The following SPATA7 variants were observed in gnomAD, a reference collection of about 807,000 sequenced individuals.
SPATA7 encodes spermatogenesis-associated protein 7.
A neutral mutation model predicts 51.8 loss-of-function variants in SPATA7; 43 were observed. That is an observed-to-expected ratio of 0.83 (90% CI 0.65 to 1.07). The LOEUF is 1.07. Among genes scored for constraint, SPATA7 ranks in the 50% least tolerant of loss-of-function variants. The pLI is 0.00. For missense variants in SPATA7, 683 were observed against 701.3 expected, an observed-to-expected ratio of 0.97 and a Z score of 0.30; for synonymous variants, 230 against 252.8, an observed-to-expected ratio of 0.91 and a Z score of 0.86.
intron 4 of SPATA7, chr14:88,415,817 A>C (rs998366578): frequency 1.3e-5 from 2 of 152,200 alleles, no homozygotes; most frequent in African/African-American, 2.4e-5. Context: ...GTCCCCACCC[A>C]AATGTCACAT....
chr14:88,422,706 C>T (rs2076679801), intron 5 of SPATA7, among the ~76,000 whole-genome samples: 1 of 150,994 alleles, frequency 6.6e-6, no homozygotes, highest in Non-Finnish European at 1.5e-5. Context: ...CTTTTTGCCT[C>T]CATAAAGTTG....
downstream of SPATA7, among the ~76,000 whole-genome samples, chr14:88,457,384 GTCT>G (rs932922175): frequency 2.6e-4 from 39 of 152,082 alleles, no homozygotes; most frequent in African/African-American, 9.4e-4. Context: ...ATTTGTTTGT[GTCT>G]TCTTTTATTT....
chr14:88,400,789 C>CA (rs2076035517), intron 4 of SPATA7, among the ~76,000 whole-genome samples: 1 of 152,098 alleles, frequency 6.6e-6, no homozygotes, highest in Non-Finnish European at 1.5e-5. Flanking sequence ...GAGCTGAGAT[C>CA]ATGCCCCTGC....
Position 88,469,590 on chromosome 14 carries a change from G to A in SPATA7, c.255-257G>A. On this transcript the variant is annotated intron_variant, in intron 4 of 4. Transcript: ENST00000556406. This position sits in a 1 kb window ranked among gnomAD's most constrained non-coding sequence, Gnocchi z 4.3. ...CGGTCCTCTCTTGCCCAGTAAGGAGGTGCTTCATCTTCAGGCCTGTGGTGG... is the reference window on the plus strand; with the variant it reads ...CGGTCCTCTCTTGCCCAGTAAGGAGATGCTTCATCTTCAGGCCTGTGGTGG... 1 of 1,614,170 alleles carries A rather than the reference G, an allele frequency of 6.2e-7. No homozygotes were observed. Among genetic ancestry groups the A allele is most frequent in the Non-Finnish European group, 8.5e-7 (1 of 1,180,046 alleles).
At chr14:88,387,449 T>C (rs2075612441) in intron 1 of SPATA7, among the ~76,000 whole-genome samples, 1 of 151,312 alleles carries the variant, frequency 6.6e-6, no homozygotes, top group African/African-American at 2.5e-5. Context: ...AGCTTTCATG[T>C]ACTGTAAATT....
At chr14:88,439,037 G>C (rs1401605706), downstream of SPATA7, among the ~76,000 whole-genome samples, 1 of 152,148 alleles carries the variant, frequency 6.6e-6, no homozygotes, top group Non-Finnish European at 1.5e-5. Flanking sequence ...GGTCATCTGA[G>C]GACCTGCTGG....
intron 3 of SPATA7, among the ~76,000 whole-genome samples, chr14:88,395,855 G>A (rs1427014227): frequency 2.6e-5 from 4 of 152,026 alleles, no homozygotes; most frequent in Admixed American, 6.5e-5. Context: ...GGTAGTGTAA[G>A]TCTTCCATTT....
chr14:88,468,837 A>C, intron 4 of SPATA7: 5 of 1,565,488 alleles, frequency 3.2e-6, no homozygotes, highest in Non-Finnish European at 4.4e-6. Context: ...GCGCAAAAAG[A>C]GCTATTAAGT....
chr14:88,437,905 T>G lies in SPATA7; in HGVS notation c.1283T>G (p.Val428Gly), dbSNP rs1203146338. 6.2e-7 allele frequency: 1 copy of G among 1,611,500 alleles called. No individual in the cohort carries two copies. The highest frequency in any genetic ancestry group is 8.5e-7 in the Non-Finnish European group (1 of 1,178,584). Residue 428 changes from valine (V) to glycine (G), a missense_variant, in exon 12 of 12, where the codon GTA (valine) becomes GGA (glycine). Val to Gly is a moderately radical substitution (Grantham distance 109, BLOSUM62 -3). Coordinates refer to ENST00000393545, the MANE Select transcript of SPATA7 (RefSeq NM_018418.5). Reference protein sequence around the residue: ...DLGCTSEENSVKQNDVDMLNV... With the variant: ...DLGCTSEENSGKQNDVDMLNV... ...GGCTGCACATCGGAGGAAAACTCGG[T>G]AAAGCAAAATGATGTTGATATGTTG...
intron 2 of SPATA7, 145 bp downstream of exon 2, chr14:88,391,600 G>A (rs759243270): frequency 8.0e-5 from 60 of 746,570 alleles, no homozygotes; most frequent in South Asian, 7.6e-4. Context: ...AAATATAGGC[G>A]TTCTTGAGAT....
At chr14:88,456,594 G>T (rs1226319791), downstream of SPATA7, among the ~76,000 whole-genome samples, 1 of 152,000 alleles carries the variant, frequency 6.6e-6, no homozygotes, top group African/African-American at 2.4e-5. Context: ...TTGTAAATTT[G>T]TTAGAGTTCT....
At chr14:88,435,481 C>T (rs747900316) in intron 10 of SPATA7, among the ~76,000 whole-genome samples, 11 of 152,102 alleles carry the variant, frequency 7.2e-5, no homozygotes, top group African/African-American at 1.2e-4. Context: ...AATTAAGTTA[C>T]TATTGACTGT....
At chr14:88,461,666 CG>C (rs1566798699) in intron 4 of SPATA7, among the ~76,000 whole-genome samples, 5 of 151,996 alleles carry the variant, frequency 3.3e-5, no homozygotes, top group Non-Finnish European at 7.4e-5. Context: ...CCGGCTGAGG[CG>C]ATGCCTCACC....
intron 3 of SPATA7, among the ~76,000 whole-genome samples, chr14:88,443,613 C>T (rs1435646207): frequency 6.6e-6 from 1 of 151,938 alleles, no homozygotes; most frequent in Non-Finnish European, 1.5e-5. Context: ...GGTATATCTC[C>T]CAATGCCATC....
chr14:88,427,404 A>G (rs963808393), intron 6 of SPATA7, among the ~76,000 whole-genome samples: 1 of 152,132 alleles, frequency 6.6e-6, no homozygotes, highest in African/African-American at 2.4e-5. Context: ...GAAAGTAAAA[A>G]CAATTTAAGA....
chr14:88,395,048 A>G (rs1367991915), intron 3 of SPATA7, among the ~76,000 whole-genome samples: 1 of 151,938 alleles, frequency 6.6e-6, no homozygotes, highest in Non-Finnish European at 1.5e-5. Context: ...TTTTTTCCCA[A>G]TCTGTAGCTG....
intron 10 of SPATA7, among the ~76,000 whole-genome samples, chr14:88,436,843 T>C (rs2077103164): frequency 6.6e-6 from 1 of 152,222 alleles, no homozygotes; most frequent in African/African-American, 2.4e-5. Flanking sequence ...TACTGTAATT[T>C]GAAGTCAGGT....
chr14:88,420,796 A>G (rs1040637183), intron 5 of SPATA7, among the ~76,000 whole-genome samples: 5 of 152,106 alleles, frequency 3.3e-5, no homozygotes, highest in Non-Finnish European at 7.4e-5. Context: ...GACTTTTAAA[A>G]CCACAACAAT....
chr14:88,432,832 G>A (rs1053099677), intron 9 of SPATA7: 1 of 252,160 alleles, frequency 4.0e-6, no homozygotes, highest in Non-Finnish European at 7.6e-6. Flanking sequence ...GCATTTGATT[G>A]CGCCTTGTCC....
Sources: gnomAD v4.1 joint callset for allele counts (sites outside exome capture counted in the v4.1 genomes callset) on GRCh38, gnomAD v4.1.1 for gene constraint, Gnocchi (gnomAD v3.1) non-coding constraint, MANE v1.5 for transcripts, NCBI Gene and HGNC (gene_info 2026-07-23, HGNC 2026-07-21) for gene names.